The following OGA variants were observed in gnomAD, a reference collection of about 807,000 sequenced individuals.
OGA encodes protein O-GlcNAcase.
OGA carries 21 observed loss-of-function variants against 102.0 expected under a neutral mutation model. The ratio of observed to expected loss-of-function variants is 0.21; its 90% CI spans 0.15 to 0.30. OGA has a LOEUF of 0.30. OGA is among the 10% of genes least tolerant of loss of function. The pLI, the probability that OGA is intolerant of heterozygous loss-of-function variation, is 1.00. For synonymous variants in OGA, 408 were observed against 378.2 expected (o/e 1.08, Z -0.91); for missense variants, 765 against 1,107.8 (o/e 0.69, Z 4.39).
intron 15 of OGA, among the ~76,000 whole-genome samples, chr10:101,787,095 T>A (rs902632089): frequency 2.6e-5 from 4 of 151,398 alleles, no homozygotes; most frequent in South Asian, 4.2e-4. Flanking sequence ...TTGCTCAGGC[T>A]GGTCTCAAAC....
chr10:101,792,112 G>A (rs1421821452), intron 12 of OGA, among the ~76,000 whole-genome samples: 3 of 151,500 alleles, frequency 2.0e-5, no homozygotes, highest in East Asian at 1.9e-4. Context: ...TCTGCCTCCC[G>A]GGTTCAAGCC....
Position 101,802,978 on chromosome 10 carries a change from TAAAAAAAAAAAA to T in OGA, c.1036+745_1036+756del, listed in dbSNP as rs764237378. On this transcript the variant is annotated intron_variant, in intron 7 of 15. Coordinates refer to ENST00000361464, the MANE Select transcript of OGA (RefSeq NM_012215.5). The stretch of plus-strand genomic sequence containing the variant: ...AGATGGTGAAACCCTGTCTCTACTT[TAAAAAAAAAAAA>T]AAAAAAAAAAAAAAGCCGGGTGTGC... Among the ~76,000 whole-genome samples, 22 of 68,596 alleles carry T rather than the reference TAAAAAAAAAAAA, an allele frequency of 3.2e-4. No individual in the cohort carries two copies. In the Admixed American group the frequency reaches 3.3e-3, roughly 10 times the overall value. The allele number at this position is 68,596 out of a possible 152,430, so 45.0% of individuals were successfully genotyped here.
chr10:101,795,857 A>G, intron 10 of OGA: 1 of 935,068 alleles, frequency 1.1e-6, no homozygotes, highest in Non-Finnish European at 1.3e-6. Flanking sequence ...AAGTTTACAA[A>G]CTTGTGTTGA....
Position 101,788,760 on chromosome 10 carries a change from A to G in OGA, c.2455-1237T>C, listed in dbSNP as rs551273834. Among the ~76,000 whole-genome samples the G allele has an allele frequency of 2.2e-3, 340 of 152,220 alleles. 1 individual carries two copies. The highest frequency in any genetic ancestry group is 4.4e-3 in the Admixed American group (67 of 15,286). On this transcript the variant is annotated intron_variant, in intron 14 of 15. Transcript: ENST00000361464. ...AAAAAAAAAAAAAAAAATTTTGTCTAAATGCTATGTGGTATTGGATCCTGG... is the reference window on the plus strand; with the variant it reads ...AAAAAAAAAAAAAAAAATTTTGTCTGAATGCTATGTGGTATTGGATCCTGG...
chr10:101,786,543 T>C lies in OGA; in HGVS notation c.2659A>G (p.Ile887Val). Residue 887 changes from isoleucine to valine, a missense_variant, in exon 16 of 16, where the codon ATT becomes GTT. Coordinates refer to ENST00000361464, the MANE Select transcript of OGA (RefSeq NM_012215.5). ...FCEVRPDDKR[I>V]LEFYSKLGCF... ...CCTAACTTGCTGTAAAATTCCAGAA[T>C]TCTTTTATCATCTGGTCTCACTTCA... The C allele has an allele frequency of 6.2e-7, 1 of 1,612,002 alleles. No homozygotes were observed. The highest frequency in any genetic ancestry group is 1.1e-5 in the South Asian group (1 of 90,302).
rs753976657 is a variant in OGA at position 101,793,866 on chromosome 10, C to T, written c.2070+47G>A. ...ATCTGATGCGCAACATAAGGTTTCT[C>T]ATAAAACAAAGAAAATGTCAATTCA... On this transcript the variant is annotated intron_variant, in intron 11 of 15. Coordinates refer to ENST00000361464, the MANE Select transcript of OGA (RefSeq NM_012215.5). 1.4e-6 allele frequency: 2 copies of T among 1,435,104 alleles called. 1 individual carries two copies. Among genetic ancestry groups the T allele is most frequent in the South Asian group, 2.3e-5 (2 of 86,922 alleles). 88.9% of individuals were successfully genotyped at this position (1,435,104 alleles called of 1,614,324 possible).
At chr10:101,794,454 C>G (rs977213395) in intron 10 of OGA, among the ~76,000 whole-genome samples, 1 of 151,910 alleles carries the variant, frequency 6.6e-6, no homozygotes, top group African/African-American at 2.4e-5. Flanking sequence ...GGGAAAAGGG[C>G]GGGGGAGAAG....
At chr10:101,791,946 C>T (rs985461416) in intron 12 of OGA, among the ~76,000 whole-genome samples, 4 of 152,160 alleles carry the variant, frequency 2.6e-5, no homozygotes, top group African/African-American at 9.7e-5. Context: ...CCGGCCTCAG[C>T]CTCCAGAGTA....
At chr10:101,791,716 G>A (rs2065260680) in intron 12 of OGA, among the ~76,000 whole-genome samples, 1 of 152,246 alleles carries the variant, frequency 6.6e-6, no homozygotes, top group Admixed American at 6.5e-5. Flanking sequence ...CACCAGGCTG[G>A]AGTGCAGTGG....
intron 14 of OGA, among the ~76,000 whole-genome samples, chr10:101,789,506 T>A (rs533822382): frequency 2.0e-5 from 3 of 150,982 alleles, no homozygotes; most frequent in East Asian, 2.0e-4. Flanking sequence ...CTCAAAAAAA[T>A]AAATAAATAA....
intron 10 of OGA, among the ~76,000 whole-genome samples, chr10:101,794,357 ATAAT>A (rs1183631240): frequency 4.6e-5 from 7 of 152,204 alleles, no homozygotes; most frequent in Middle Eastern, 3.2e-3. Flanking sequence ...AAAATGACTG[ATAAT>A]TAGACACTTT....
chr10:101,794,085 G>A (rs552844192), intron 10 of OGA, 87 bp from the exon 11 acceptor site: 130 of 877,724 alleles, frequency 1.5e-4, no homozygotes, highest in Non-Finnish European at 2.3e-4. Flanking sequence ...CAAACACTTC[G>A]TGGAAATAAC....
chr10:101,792,544 A>C (rs1247329079), intron 12 of OGA: 1 of 249,644 alleles, frequency 4.0e-6, no homozygotes, highest in African/African-American at 2.2e-5. Context: ...AATATATTAG[A>C]GATAATTAGT....
In OGA at chr10:101,818,300, C is replaced by T. The variant is rs2065669914; in HGVS notation, c.-278G>A. 1 of 1,224,046 alleles carries T rather than the reference C, an allele frequency of 8.2e-7. No individual in the cohort carries two copies. The highest frequency in any genetic ancestry group is 1.0e-6 in the Non-Finnish European group (1 of 977,552). 75.8% of individuals were successfully genotyped at this position (1,224,046 alleles called of 1,614,324 possible). ...GAGAGCGAGGCTGTGACCTCTCGTTCCCTGGAAGAAGACGGCCAAGGGTCC... is the reference window on the plus strand; with the variant it reads ...GAGAGCGAGGCTGTGACCTCTCGTTTCCTGGAAGAAGACGGCCAAGGGTCC... On this transcript the variant is annotated 5_prime_UTR_variant, in exon 1 of 16. Coordinates refer to ENST00000361464, the MANE Select transcript of OGA (RefSeq NM_012215.5).
In OGA at chr10:101,815,961, G is replaced by GAAAAAAAAAAAAAAAAAAAA. The variant is rs1185344174; in HGVS notation, c.199+1862_199+1863insTTTTTTTTTTTTTTTTTTTT. Reference sequence around the variant, plus strand: ...TGCCAACCAAGAGGTATCAAAAAGAGAGAAAAAAAAAAAAAAAAAAAAAAA... The same window carrying GAAAAAAAAAAAAAAAAAAAA: ...TGCCAACCAAGAGGTATCAAAAAGAGAAAAAAAAAAAAAAAAAAAAAGAAAAAAAAAAAAAAAAAAAAAAA... On this transcript the variant is annotated intron_variant, in intron 1 of 15. Transcript: ENST00000361464. Among the ~76,000 whole-genome samples the GAAAAAAAAAAAAAAAAAAAA allele has an allele frequency of 2.1e-4, 5 of 23,790 alleles. 1 individual carries two copies. Among genetic ancestry groups the GAAAAAAAAAAAAAAAAAAAA allele is most frequent in the African/African-American group, 6.7e-4 (3 of 4,504 alleles). 15.6% of individuals were successfully genotyped at this position (23,790 alleles called of 152,430 possible). A position where few individuals can be genotyped will look rare whatever the true frequency, so the allele number is the denominator to read the frequency against.
intron 7 of OGA, among the ~76,000 whole-genome samples, chr10:101,802,965 CCT>C (rs1256937183): frequency 7.0e-6 from 1 of 143,198 alleles, no homozygotes; most frequent in African/African-American, 2.6e-5. Flanking sequence ...ATGGTGAAAC[CCT>C]GTCTCTACTT....
intron 6 of OGA, among the ~76,000 whole-genome samples, chr10:101,805,020 A>T (rs2065449771): frequency 6.6e-6 from 1 of 152,228 alleles, no homozygotes; most frequent in East Asian, 1.9e-4. Flanking sequence ...CCAATTCCCT[A>T]TAAATCTTTA....
At position 101,818,428 on chromosome 10, in the gene OGA, G is replaced by A. The variant is rs2065672602; in HGVS notation, c.-406C>T. 16 of 1,009,636 alleles carry A rather than the reference G, an allele frequency of 1.6e-5. No homozygotes were observed. Among genetic ancestry groups the A allele is most frequent in the Non-Finnish European group, 1.8e-5 (15 of 845,316 alleles). The allele number at this position is 1,009,636 out of a possible 1,614,324, so 62.5% of individuals were successfully genotyped here. On this transcript the variant is annotated 5_prime_UTR_variant, in exon 1 of 16. Transcript: ENST00000361464. ...CCCTCTGCTGCTGCCTCCACCGCCCGCTTCCTGTTTATCCGCACTGCGCTT... is the reference window on the plus strand; with the variant it reads ...CCCTCTGCTGCTGCCTCCACCGCCCACTTCCTGTTTATCCGCACTGCGCTT...
At position 101,786,381 on chromosome 10, in the gene OGA, T is replaced by C. The variant is rs563587543; in HGVS notation, c.*70A>G. ...TTACCATTCTAGAGGCTGAACTGTA[T>C]GAAGACCTCAACTACCATTCACAAG... On this transcript the variant is annotated 3_prime_UTR_variant, in exon 16 of 16. Transcript: ENST00000361464. 21 of 1,449,062 alleles carry C rather than the reference T, an allele frequency of 1.4e-5. No homozygotes were observed. In the South Asian group the frequency reaches 3.2e-4, roughly 22 times the overall value. The allele number at this position is 1,449,062 out of a possible 1,614,324, so 89.8% of individuals were successfully genotyped here.
Sources: gnomAD v4.1 joint callset for allele counts (sites outside exome capture counted in the v4.1 genomes callset) on GRCh38, gnomAD v4.1.1 for gene constraint, MANE v1.5 for transcripts, NCBI Gene and HGNC (gene_info 2026-07-23, HGNC 2026-07-21) for gene names.